Variants in ROBO2 observed in about 807,000 individuals in gnomAD.
ROBO2 encodes the protein roundabout homolog 2.
ROBO2 carries 53 observed loss-of-function variants against 160.8 expected under a neutral mutation model. The observed-to-expected ratio is 0.33, with a 90% CI of 0.26 to 0.41. The LOEUF (loss-of-function observed/expected upper bound fraction) is 0.41, where lower values mean the gene tolerates loss of function less well. ROBO2 is among the 10% of genes least tolerant of loss of function. The pLI is 1.00. For synonymous variants in ROBO2, 664 were observed against 611.7 expected, an observed-to-expected ratio of 1.09 and a Z score of -1.26; for missense variants, 1,577 against 1,722.4, an observed-to-expected ratio of 0.92 and a Z score of 1.49.
Position 76,001,620 on chromosome 3 carries a change from C to G in ROBO2, c.109+64018C>G, listed in dbSNP as rs150334997. ...TGGTGCAATCATGGCTCACTGCAGC[C>G]TTGACTTTCTGGGCTCAAGCAGTTC... is the stretch of plus-strand genomic sequence containing the variant. On this transcript the variant is annotated intron_variant, in intron 2 of 26. Transcript: ENST00000487694. Among the ~76,000 whole-genome samples, 91 of 152,216 alleles carry G rather than the reference C, an allele frequency of 6.0e-4. 1 individual carries two copies. In the East Asian group the frequency reaches 0.018, roughly 29 times the overall value.
intron 2 of ROBO2, among the ~76,000 whole-genome samples, chr3:76,607,265 G>A (rs182047568): frequency 1.2e-4 from 18 of 152,164 alleles, no homozygotes; most frequent in African/African-American, 4.1e-4. Context: ...CTGGACATGA[G>A]CAATCCTCTT....
intron 2 of ROBO2, among the ~76,000 whole-genome samples, chr3:77,238,228 T>G (rs1028587231): frequency 6.6e-6 from 1 of 152,218 alleles, no homozygotes; most frequent in Non-Finnish European, 1.5e-5. Flanking sequence ...TAGTTTTTAT[T>G]TTAACAAAGT....
chr3:76,475,310 C>T (rs2107185094), intron 2 of ROBO2, among the ~76,000 whole-genome samples: 1 of 151,874 alleles, frequency 6.6e-6, no homozygotes, highest in East Asian at 2.0e-4. Context: ...TCAGGGACTG[C>T]TGGAAAAAAA....
intron 2 of ROBO2, among the ~76,000 whole-genome samples, chr3:76,007,003 G>C (rs2066038856): frequency 6.6e-6 from 1 of 151,978 alleles, no homozygotes; most frequent in Non-Finnish European, 1.5e-5. Flanking sequence ...ATAAATGCTG[G>C]AAATACCAGT....
intron 4 of ROBO2, among the ~76,000 whole-genome samples, chr3:77,488,376 G>A (rs762112430): frequency 6.6e-6 from 1 of 152,164 alleles, no homozygotes; most frequent in Non-Finnish European, 1.5e-5. Context: ...TGATCTAATT[G>A]ATAAGCAGTC....
chr3:76,171,285 A>G (rs754873903), intron 2 of ROBO2, among the ~76,000 whole-genome samples: 2 of 151,522 alleles, frequency 1.3e-5, no homozygotes, highest in Non-Finnish European at 2.9e-5. Flanking sequence ...AAAACTCTGG[A>G]CCCCAAATCT....
intron 2 of ROBO2, among the ~76,000 whole-genome samples, chr3:76,404,899 A>G (rs79693627): frequency 0.014 from 2,170 of 151,790 alleles, 47 homozygotes; most frequent in African/African-American, 0.049. Context: ...ATAAAATGCA[A>G]ATATTCTGTC....
intron 2 of ROBO2, among the ~76,000 whole-genome samples, chr3:76,661,774 GTCT>G (rs1166891921): frequency 6.6e-6 from 1 of 152,126 alleles, no homozygotes; most frequent in Non-Finnish European, 1.5e-5. Flanking sequence ...GATGGTAAAG[GTCT>G]TCTTATCACC....
intron 2 of ROBO2, among the ~76,000 whole-genome samples, chr3:77,453,210 A>G (rs1212908586): frequency 6.6e-6 from 1 of 152,178 alleles, no homozygotes; most frequent in Non-Finnish European, 1.5e-5. Context: ...TAAAAATAGG[A>G]TATCTTCTCC....
At chr3:76,848,744 TC>T (rs1402425834) in intron 2 of ROBO2, among the ~76,000 whole-genome samples, 2 of 152,128 alleles carry the variant, frequency 1.3e-5, no homozygotes, top group Non-Finnish European at 2.9e-5. Flanking sequence ...AGGGCACTGA[TC>T]CCATTTATGA....
intron 2 of ROBO2, among the ~76,000 whole-genome samples, chr3:76,718,188 A>G (rs2093412274): frequency 6.6e-6 from 1 of 152,190 alleles, no homozygotes; most frequent in Non-Finnish European, 1.5e-5. Flanking sequence ...GGTCTCTGCT[A>G]AAGGATTTTT....
At chr3:76,469,045 G>A (rs76277215) in intron 2 of ROBO2, among the ~76,000 whole-genome samples, 377 of 152,112 alleles carry the variant, frequency 2.5e-3, no homozygotes, top group Non-Finnish European at 4.1e-3. Flanking sequence ...TGTACCTGAA[G>A]CCCAGCAGTC....
chr3:77,450,401 T>C (rs2080999849), intron 2 of ROBO2, among the ~76,000 whole-genome samples: 1 of 152,066 alleles, frequency 6.6e-6, no homozygotes, highest in Admixed American at 6.6e-5. Flanking sequence ...TATCACTTTC[T>C]GAAACTCAGA....
At chr3:76,149,082 GT>G (rs961087195) in intron 2 of ROBO2, among the ~76,000 whole-genome samples, 6 of 151,020 alleles carry the variant, frequency 4.0e-5, no homozygotes, top group South Asian at 2.1e-4. Context: ...CACTCACTCA[GT>G]TTTTTTTTGT....
At chr3:76,138,046 A>T (rs2071494948) in intron 2 of ROBO2, among the ~76,000 whole-genome samples, 1 of 152,092 alleles carries the variant, frequency 6.6e-6, no homozygotes, top group East Asian at 1.9e-4. Flanking sequence ...TATTCTACCT[A>T]CCACAAAAGC....
chr3:76,910,348 C>CT (rs532737074), intron 2 of ROBO2, among the ~76,000 whole-genome samples: 323 of 151,376 alleles, frequency 2.1e-3, no homozygotes, highest in African/African-American at 6.9e-3. Context: ...TCAAATTCTT[C>CT]TTTTTTTTTA....
chr3:76,291,941 C>T (rs781162432), intron 2 of ROBO2, among the ~76,000 whole-genome samples: 2 of 151,178 alleles, frequency 1.3e-5, no homozygotes, highest in Non-Finnish European at 2.9e-5. Flanking sequence ...AGCATGTAGT[C>T]AATTTTAAGG....
At chr3:76,300,784 G>A (rs888273905) in intron 2 of ROBO2, among the ~76,000 whole-genome samples, 7 of 151,952 alleles carry the variant, frequency 4.6e-5, no homozygotes, top group Non-Finnish European at 5.9e-5. Context: ...CTAATGAATC[G>A]TCCCCATGGT....
chr3:75,937,147 T>C (rs1947819251), intron 1 of ROBO2, among the ~76,000 whole-genome samples: 1 of 152,148 alleles, frequency 6.6e-6, no homozygotes, highest in African/African-American at 2.4e-5. Context: ...TATACTTAAG[T>C]AGTGTCCATA....
Sources: allele counts gnomAD v4.1 joint callset (sites outside exome capture counted in the v4.1 genomes callset), GRCh38; gene constraint gnomAD v4.1.1; transcripts MANE v1.5; gene names NCBI Gene and HGNC (gene_info 2026-07-23, HGNC 2026-07-21).